MCUB: variants seen among roughly 807,000 people sequenced by gnomAD.
The protein encoded by MCUB is mitochondrial calcium uniporter dominant negative subunit beta, also known as calcium uniporter regulatory subunit MCUb, mitochondrial.
A neutral mutation model predicts 41.4 loss-of-function variants in MCUB; 46 were observed. That is an observed-to-expected ratio of 1.11 (90% CI 0.88 to 1.42). The LOEUF (loss-of-function observed/expected upper bound fraction) is 1.42, where lower values mean the gene tolerates loss of function less well. Among genes scored for constraint, MCUB ranks in the 40% most tolerant of loss-of-function variants. The pLI, the probability that MCUB is intolerant of heterozygous loss-of-function variation, is 0.00. For missense variants in MCUB, 403 were observed against 404.9 expected (o/e 1.00, Z 0.04); for synonymous variants, 148 against 148.2 (o/e 1.00, Z 0.01).
chr4:109,631,861 G>T (rs898738500), intron 1 of MCUB, among the ~76,000 whole-genome samples: 2 of 152,022 alleles, frequency 1.3e-5, no homozygotes, highest in Non-Finnish European at 2.9e-5. Flanking sequence ...CCACCTGCAG[G>T]CTGTTTCTCA....
intron 4 of MCUB, 129 bp downstream of exon 4, chr4:109,664,523 C>A (rs555046293): frequency 3.6e-6 from 2 of 557,834 alleles, no homozygotes; most frequent in East Asian, 3.0e-5. Flanking sequence ...CTCCTGGGCT[C>A]AAACAATCCT....
chr4:109,609,127 C>T (rs1413846768), intron 1 of MCUB, among the ~76,000 whole-genome samples: 1 of 152,156 alleles, frequency 6.6e-6, no homozygotes, highest in Non-Finnish European at 1.5e-5. Flanking sequence ...ACAGTTGTTA[C>T]TGGGAAGGGC....
chr4:109,626,850 G>A (rs111570914), intron 1 of MCUB, among the ~76,000 whole-genome samples: 4 of 147,808 alleles, frequency 2.7e-5, no homozygotes, highest in Admixed American at 6.8e-5. Context: ...AAAAAAGGAA[G>A]CCTGGATAGC....
At position 109,672,243 on chromosome 4, in the gene MCUB, A is replaced by G. The variant is rs531193782; in HGVS notation, c.451+7849A>G. Among the ~76,000 whole-genome samples the G allele has an allele frequency of 2.0e-5, 3 of 152,216 alleles. No homozygotes were observed. The South Asian group carries it at 6.2e-4, about 32-fold the overall frequency. On this transcript the variant is annotated intron_variant, in intron 4 of 7. Coordinates refer to ENST00000394650, the MANE Select transcript of MCUB (RefSeq NM_017918.5). ...TAAGGCTCTGGTAAAGTAGTTTCCT[A>G]TTATGGAGGACATGTGCTCAGGGCT...
At chr4:109,591,888 T>C (rs1416348589) in intron 1 of MCUB, among the ~76,000 whole-genome samples, 2 of 150,938 alleles carry the variant, frequency 1.3e-5, no homozygotes, top group Non-Finnish European at 3.0e-5. Context: ...TTAGTAGATA[T>C]GGGGTTTTGC....
chr4:109,664,788 G>C (rs905020731), intron 4 of MCUB, among the ~76,000 whole-genome samples: 5 of 152,092 alleles, frequency 3.3e-5, no homozygotes, highest in Admixed American at 6.5e-5. Context: ...ACCTACAGTT[G>C]CCTAGCAGGA....
chr4:109,655,898 C>A (rs1579086230), intron 1 of MCUB, among the ~76,000 whole-genome samples: 1 of 152,044 alleles, frequency 6.6e-6, no homozygotes, highest in East Asian at 1.9e-4. Flanking sequence ...GATTAAAAAT[C>A]TCTGTGTATG....
chr4:109,684,677 AG>A, intron 6 of MCUB, 31 bp downstream of exon 6: 1 of 1,041,188 alleles, frequency 9.6e-7, no homozygotes, highest in Non-Finnish European at 1.5e-6. Context: ...ATGGTAAGTT[AG>A]AACATCTTTG....
At chr4:109,619,026 GCCTGCCTACCTACCTACCTACCTACCTA>G (rs1728193329) in intron 1 of MCUB, among the ~76,000 whole-genome samples, 1 of 128,736 alleles carries the variant, frequency 7.8e-6, no homozygotes, top group Non-Finnish European at 1.6e-5. Flanking sequence ...CTATCTACCT[GCCTGCCTACCTACCTACCTACCTACCTA>G]CCTACCTACC....
chr4:109,669,414 T>C (rs1322250302), intron 4 of MCUB, among the ~76,000 whole-genome samples: 1 of 152,068 alleles, frequency 6.6e-6, no homozygotes. Flanking sequence ...TAGCTAAGGG[T>C]TCCCCCCTTC....
chr4:109,656,393 G>T (rs112792124), intron 1 of MCUB, among the ~76,000 whole-genome samples: 3,438 of 18,932 alleles, frequency 0.18, 235 homozygotes, highest in East Asian at 0.25. Context: ...TTTTTTTTTT[G>T]GAGACAGGGT....
At chr4:109,595,389 A>G (rs1376709497) in intron 1 of MCUB, among the ~76,000 whole-genome samples, 1 of 152,178 alleles carries the variant, frequency 6.6e-6, no homozygotes, top group Non-Finnish European at 1.5e-5. Flanking sequence ...TGATAGCGTC[A>G]ATAAACTGGA....
chr4:109,664,986 A>G (rs774826177), intron 4 of MCUB, among the ~76,000 whole-genome samples: 1 of 152,190 alleles, frequency 6.6e-6, no homozygotes, highest in Non-Finnish European at 1.5e-5. Flanking sequence ...TTAGGTTCAA[A>G]GCAAAATCGA....
intron 1 of MCUB, among the ~76,000 whole-genome samples, chr4:109,650,263 A>G (rs1008963410): frequency 2.0e-5 from 3 of 152,214 alleles, no homozygotes; most frequent in African/African-American, 7.2e-5. Flanking sequence ...CTTTACTAAC[A>G]TGTCTGAGGA....
chr4:109,666,728 T>G (rs1385516477), intron 4 of MCUB, among the ~76,000 whole-genome samples: 2 of 152,236 alleles, frequency 1.3e-5, no homozygotes, highest in Non-Finnish European at 2.9e-5. Context: ...AGGCTATGGC[T>G]TGCTTTCTCA....
At chr4:109,600,940 G>A (rs1268371061) in intron 1 of MCUB, among the ~76,000 whole-genome samples, 1 of 151,954 alleles carries the variant, frequency 6.6e-6, no homozygotes, top group Admixed American at 6.6e-5. Context: ...GACTACAAGT[G>A]CCCACCACCA....
At chr4:109,583,161 C>G (rs966765982) in intron 1 of MCUB, among the ~76,000 whole-genome samples, 5 of 152,144 alleles carry the variant, frequency 3.3e-5, no homozygotes, top group African/African-American at 1.2e-4. Context: ...GGCGGTACGG[C>G]CATTTTCATG....
intron 1 of MCUB, among the ~76,000 whole-genome samples, chr4:109,586,162 T>C (rs1017882849): frequency 1.3e-5 from 2 of 152,234 alleles, no homozygotes; most frequent in African/African-American, 4.8e-5. Flanking sequence ...TTTTACACTT[T>C]TTTCTCTAAA....
intron 7 of MCUB, 104 bp from the exon 8 acceptor site, chr4:109,687,411 T>C: frequency 2.7e-6 from 2 of 735,050 alleles, no homozygotes; most frequent in South Asian, 1.7e-5. Flanking sequence ...TTAAACATTT[T>C]ATTGCTGTAA....
Sources: allele counts gnomAD v4.1 joint callset (sites outside exome capture counted in the v4.1 genomes callset), GRCh38; gene constraint gnomAD v4.1.1; transcripts MANE v1.5; gene names NCBI Gene and HGNC (gene_info 2026-07-23, HGNC 2026-07-21).